EPHB1: variants seen among roughly 807,000 people sequenced by gnomAD.
The protein encoded by EPHB1 is EPH receptor B1.
Under a neutral mutation model 94.4 loss-of-function variants are expected in EPHB1, and 30 were observed. The ratio of observed to expected loss-of-function variants is 0.32; its 90% CI spans 0.24 to 0.43. The LOEUF is 0.43. Among genes scored for constraint, EPHB1 ranks in the 20% least tolerant of loss-of-function variants. EPHB1 has a pLI of 1.00. For missense variants in EPHB1, 1,055 were observed against 1,308.3 expected, an observed-to-expected ratio of 0.81 and a Z score of 2.99; for synonymous variants, 522 against 489.1, an observed-to-expected ratio of 1.07 and a Z score of -0.89.
chr3:134,968,563 ACTT>A (rs910429582), intron 3 of EPHB1, among the ~76,000 whole-genome samples: 149 of 152,270 alleles, frequency 9.8e-4, no homozygotes, highest in African/African-American at 3.3e-3. Flanking sequence ...AATTTTTGTG[ACTT>A]CTTAATTCTA....
At chr3:135,113,440 A>G (rs1939546011) in intron 4 of EPHB1, among the ~76,000 whole-genome samples, 1 of 152,232 alleles carries the variant, frequency 6.6e-6, no homozygotes, top group African/African-American at 2.4e-5. Context: ...TCACAAGAGC[A>G]TTTGGAGTCA....
chr3:134,915,922 A>T (rs1005495473), intron 1 of EPHB1, among the ~76,000 whole-genome samples: 1 of 152,184 alleles, frequency 6.6e-6, no homozygotes, highest in South Asian at 2.1e-4. Flanking sequence ...ATGGGTTGCC[A>T]CTGCTGGCTG....
chr3:135,246,917 A>C (rs929179247), intron 13 of EPHB1, among the ~76,000 whole-genome samples: 1 of 152,266 alleles, frequency 6.6e-6, no homozygotes, highest in East Asian at 1.9e-4. Flanking sequence ...CCTACATACT[A>C]TGCATAGAAA....
chr3:135,213,166 C>G (rs1943070255), intron 12 of EPHB1, among the ~76,000 whole-genome samples: 1 of 152,192 alleles, frequency 6.6e-6, no homozygotes, highest in Admixed American at 6.5e-5. Context: ...CCAGGTGTTC[C>G]TTCTGTTTTA....
At chr3:135,033,086 C>T (rs1936535343) in intron 3 of EPHB1, among the ~76,000 whole-genome samples, 1 of 152,264 alleles carries the variant, frequency 6.6e-6, no homozygotes, top group South Asian at 2.1e-4. Context: ...AAAAGTCCAT[C>T]TCCCTGAAGA....
At chr3:135,198,637 G>A (rs537858798) in intron 11 of EPHB1, among the ~76,000 whole-genome samples, 1 of 152,228 alleles carries the variant, frequency 6.6e-6, no homozygotes, top group East Asian at 1.9e-4. Flanking sequence ...CTGGTCCCAG[G>A]TGTCCTCAGT....
intron 10 of EPHB1, among the ~76,000 whole-genome samples, chr3:135,191,361 G>T (rs2107709414): frequency 6.6e-6 from 1 of 152,196 alleles, no homozygotes; most frequent in Non-Finnish European, 1.5e-5. Flanking sequence ...CTTTTTTGCA[G>T]CAAGAAAACA....
At chr3:135,249,229 T>C (rs966757897) in intron 14 of EPHB1, 107 bp from the exon 15 acceptor site, 25 of 1,314,954 alleles carry the variant, frequency 1.9e-5, no homozygotes, top group Non-Finnish European at 2.5e-5. Context: ...ATAATCCTCA[T>C]TCCATCAGGG....
rs1933577740 is a variant in EPHB1, at chr3:135,260,076, G to A, written c.*956G>A. 4.3e-6 allele frequency: 1 copy of A among 233,144 alleles called. No individual in the cohort carries two copies. Among genetic ancestry groups the A allele is most frequent in the Non-Finnish European group, 8.5e-6 (1 of 117,752 alleles). The allele number at this position is 233,144 out of a possible 1,614,324, so 14.4% of individuals were successfully genotyped here. A position where few individuals can be genotyped will look rare whatever the true frequency, so the allele number is the denominator to read the frequency against. ...AAAAAAAGTTTGCAAATTCAGACAG[G>A]AAACAGGTGAGTGGTTTGAATTGGA... On this transcript the variant is annotated 3_prime_UTR_variant, in exon 16 of 16. Transcript: ENST00000398015.
intron 1 of EPHB1, among the ~76,000 whole-genome samples, chr3:134,829,959 C>T (rs1006609800): frequency 1.3e-5 from 2 of 152,102 alleles, no homozygotes; most frequent in Non-Finnish European, 2.9e-5. Context: ...GCCTCACAGC[C>T]CTCAGAAAGA....
chr3:135,094,502 C>A (rs2107793044), intron 3 of EPHB1, among the ~76,000 whole-genome samples: 1 of 152,320 alleles, frequency 6.6e-6, no homozygotes, highest in East Asian at 1.9e-4. Context: ...TCCACAACTC[C>A]TCCCATGTCC....
chr3:134,842,105 C>T (rs1054865908), intron 1 of EPHB1, among the ~76,000 whole-genome samples: 1 of 152,046 alleles, frequency 6.6e-6, no homozygotes, highest in South Asian at 2.1e-4. Flanking sequence ...GACAGTGGCC[C>T]CTTCATGAAT....
At chr3:134,929,540 G>A in intron 2 of EPHB1, among the ~76,000 whole-genome samples, 1 of 152,202 alleles carries the variant, frequency 6.6e-6, no homozygotes. Flanking sequence ...AGGAAAAAAT[G>A]GCAGGACTGA....
chr3:135,164,943 C>T (rs779294928), intron 7 of EPHB1, among the ~76,000 whole-genome samples: 7 of 151,964 alleles, frequency 4.6e-5, no homozygotes, highest in Non-Finnish European at 7.4e-5. Flanking sequence ...ATATTTGAGG[C>T]ATACTTATAC....
chr3:135,194,367 TGAA>T (rs1942539696), intron 11 of EPHB1, among the ~76,000 whole-genome samples: 1 of 152,200 alleles, frequency 6.6e-6, no homozygotes, highest in Non-Finnish European at 1.5e-5. Flanking sequence ...ATGTAGTAAG[TGAA>T]GAAGTTCTTA....
At chr3:134,874,054 A>G (rs2037560985) in intron 1 of EPHB1, among the ~76,000 whole-genome samples, 3 of 152,220 alleles carry the variant, frequency 2.0e-5, no homozygotes, top group African/African-American at 7.2e-5. Flanking sequence ...GCAGAGCTGG[A>G]CAGACTGTGT....
chr3:135,183,943 G>A (rs1942260757), intron 10 of EPHB1, among the ~76,000 whole-genome samples: 1 of 152,204 alleles, frequency 6.6e-6, no homozygotes, highest in African/African-American at 2.4e-5. Flanking sequence ...TATAAATGCT[G>A]TGCTTGGATT....
chr3:135,255,252 TAG>T (rs1218579367), intron 15 of EPHB1, among the ~76,000 whole-genome samples: 1 of 152,166 alleles, frequency 6.6e-6, no homozygotes, highest in African/African-American at 2.4e-5. Flanking sequence ...TGCCTTCTGC[TAG>T]CTTTTGAATG....
intron 1 of EPHB1, among the ~76,000 whole-genome samples, chr3:134,909,112 G>GCGGGGA (rs527679026): frequency 8.8e-6 from 1 of 114,266 alleles, no homozygotes; most frequent in Non-Finnish European, 1.7e-5. Context: ...CACAAGGTGG[G>GCGGGGA]GGCGGGGGGC....
Sources: allele counts gnomAD v4.1 joint callset (sites outside exome capture counted in the v4.1 genomes callset), GRCh38; gene constraint gnomAD v4.1.1; transcripts MANE v1.5; gene names NCBI Gene and HGNC (gene_info 2026-07-23, HGNC 2026-07-21).